The following LRRTM4 variants were observed in gnomAD, a reference collection of about 807,000 sequenced individuals.
The protein encoded by LRRTM4 is leucine rich repeat transmembrane neuronal 4.
A neutral mutation model predicts 47.6 loss-of-function variants in LRRTM4; 25 were observed. The observed-to-expected ratio is 0.53, with a 90% CI of 0.38 to 0.73. LRRTM4 has a LOEUF of 0.73. Ranked by LOEUF, LRRTM4 falls within the 30% of genes least tolerant of loss-of-function variation. The probability of loss-of-function intolerance (pLI) is 0.00; values close to 1 mark genes in which losing one functional copy is unlikely to be tolerated. For synonymous variants in LRRTM4, 311 were observed against 269.5 expected (o/e 1.15, Z -1.51); for missense variants, 638 against 713.4 (o/e 0.89, Z 1.20).
intron 3 of LRRTM4, among the ~76,000 whole-genome samples, chr2:76,860,856 T>C (rs1406652074): frequency 2.0e-5 from 3 of 151,804 alleles, no homozygotes; most frequent in Non-Finnish European, 4.4e-5. Flanking sequence ...TGAATCCACA[T>C]CAAGTAAAAG....
chr2:77,030,839 C>T (rs1678626830), intron 3 of LRRTM4, among the ~76,000 whole-genome samples: 1 of 152,150 alleles, frequency 6.6e-6, no homozygotes, highest in South Asian at 2.1e-4. Flanking sequence ...TTTGTATCAA[C>T]ATGCATTTCT....
At chr2:77,288,249 C>T (rs1436661287) in intron 3 of LRRTM4, among the ~76,000 whole-genome samples, 1 of 150,990 alleles carries the variant, frequency 6.6e-6, no homozygotes, top group Admixed American at 6.6e-5. Context: ...ATAAGATAAA[C>T]ATAGAAGAGA....
At chr2:77,222,530 C>T (rs979901604) in intron 3 of LRRTM4, among the ~76,000 whole-genome samples, 9 of 152,176 alleles carry the variant, frequency 5.9e-5, no homozygotes, top group East Asian at 3.9e-4. Flanking sequence ...AGGATATCAC[C>T]GCCAATCCCA....
chr2:76,834,305 C>G (rs144480317), intron 3 of LRRTM4, among the ~76,000 whole-genome samples: 6,917 of 151,718 alleles, frequency 0.046, 515 homozygotes, highest in African/African-American at 0.15. Flanking sequence ...CCTGCCTCGT[C>G]CTCCCAAAGT....
intron 3 of LRRTM4, among the ~76,000 whole-genome samples, chr2:77,308,814 G>C (rs536985790): frequency 6.7e-6 from 1 of 150,220 alleles, no homozygotes; most frequent in East Asian, 2.0e-4. Context: ...GCTTTTGGTA[G>C]CAGCCTCTAT....
chr2:77,069,224 G>A (rs866952409), intron 3 of LRRTM4, among the ~76,000 whole-genome samples: 24 of 152,006 alleles, frequency 1.6e-4, no homozygotes, highest in East Asian at 1.9e-4. Context: ...GGGTCTCCCC[G>A]ACCGAGTTGG....
chr2:77,037,959 TAAG>T, intron 3 of LRRTM4, among the ~76,000 whole-genome samples: 1 of 151,748 alleles, frequency 6.6e-6, no homozygotes, highest in African/African-American at 2.4e-5. Flanking sequence ...GTAAAATTCT[TAAG>T]GAGCACAAGC....
chr2:76,857,748 G>C (rs60921880), intron 3 of LRRTM4, among the ~76,000 whole-genome samples: 19,530 of 152,092 alleles, frequency 0.13, 1,822 homozygotes, highest in East Asian at 0.48. Context: ...ATGAAAGTTT[G>C]CTTTTGTAAA....
chr2:76,984,556 C>A (rs6547109), intron 3 of LRRTM4, among the ~76,000 whole-genome samples: 51,640 of 151,762 alleles, frequency 0.34, 9,545 homozygotes, highest in East Asian at 0.55. Context: ...AGCTAGCAGG[C>A]TCTCCGCAGC....
At chr2:77,185,987 A>T (rs1178727160) in intron 3 of LRRTM4, among the ~76,000 whole-genome samples, 1 of 152,210 alleles carries the variant, frequency 6.6e-6, no homozygotes. Context: ...TGTAGTAATT[A>T]ATAGATGAGT....
At chr2:76,770,981 G>C (rs758316172) in intron 3 of LRRTM4, among the ~76,000 whole-genome samples, 3 of 152,132 alleles carry the variant, frequency 2.0e-5, no homozygotes, top group African/African-American at 4.8e-5. Flanking sequence ...CGTTAGAAAA[G>C]ATCCTAAGAA....
Position 77,193,374 on chromosome 2 carries a change from T to G in LRRTM4, c.1551+324944A>C, listed in dbSNP as rs536053888. ...TAAATTATCTAAATATAGCTAACAT[T>G]TAAATTTTATTGTTGAAAAAATTTA... is the stretch of plus-strand genomic sequence containing the variant. On this transcript the variant is annotated intron_variant, in intron 3 of 3. Transcript: ENST00000409884. Among the ~76,000 whole-genome samples the G allele has an allele frequency of 1.3e-3, 196 of 152,330 alleles. 1 individual carries two copies. The highest frequency in any genetic ancestry group is 4.5e-3 in the African/African-American group (188 of 41,574).
chr2:77,295,049 A>T (rs1676932834), intron 3 of LRRTM4, among the ~76,000 whole-genome samples: 1 of 152,166 alleles, frequency 6.6e-6, no homozygotes, highest in Non-Finnish European at 1.5e-5. Context: ...TCTCATTTCA[A>T]GGGTACTGCC....
intron 3 of LRRTM4, among the ~76,000 whole-genome samples, chr2:77,418,783 C>T (rs1674747750): frequency 6.6e-6 from 1 of 152,110 alleles, no homozygotes; most frequent in Non-Finnish European, 1.5e-5. Flanking sequence ...TGCACAAAGT[C>T]ACTTTGTTAA....
intron 3 of LRRTM4, among the ~76,000 whole-genome samples, chr2:76,874,293 A>G (rs1672719189): frequency 6.6e-6 from 1 of 151,978 alleles, no homozygotes; most frequent in Non-Finnish European, 1.5e-5. Flanking sequence ...TTCTCCTAGC[A>G]CCTTGCTTTC....
intron 3 of LRRTM4, among the ~76,000 whole-genome samples, chr2:77,290,439 G>A (rs1178079352): frequency 5.9e-5 from 9 of 151,706 alleles, no homozygotes; most frequent in Non-Finnish European, 7.4e-5. Context: ...GATAGTTAAC[G>A]GATACAAAAA....
chr2:77,329,595 G>C (rs1670897049), intron 3 of LRRTM4, among the ~76,000 whole-genome samples: 1 of 152,128 alleles, frequency 6.6e-6, no homozygotes, highest in South Asian at 2.1e-4. Context: ...TTTGCACAGA[G>C]ACTTTAAGAA....
At chr2:76,995,794 A>C (rs1677180244) in intron 3 of LRRTM4, among the ~76,000 whole-genome samples, 1 of 152,096 alleles carries the variant, frequency 6.6e-6, no homozygotes. Context: ...TGCAGGCTGG[A>C]AACAACTAGA....
intron 3 of LRRTM4, among the ~76,000 whole-genome samples, chr2:77,381,941 A>G (rs1271098444): frequency 1.3e-5 from 2 of 152,082 alleles, no homozygotes; most frequent in Non-Finnish European, 1.5e-5. Flanking sequence ...TAAATAACAA[A>G]CATATGAGAC....
Sources: gnomAD v4.1 joint callset for allele counts (sites outside exome capture counted in the v4.1 genomes callset) on GRCh38, gnomAD v4.1.1 for gene constraint, MANE v1.5 for transcripts, NCBI Gene and HGNC (gene_info 2026-07-23, HGNC 2026-07-21) for gene names.